FERMT2: variants seen among roughly 807,000 people sequenced by gnomAD.
FERMT2 encodes the protein fermitin family homolog 2.
FERMT2 carries 15 observed loss-of-function variants against 82.7 expected under a neutral mutation model. The ratio of observed to expected loss-of-function variants is 0.18; its 90% confidence interval spans 0.12 to 0.28. The LOEUF (loss-of-function observed/expected upper bound fraction) is 0.28. Ranked by LOEUF, FERMT2 falls within the 10% of genes least tolerant of loss-of-function variation. The probability of loss-of-function intolerance (pLI) is 1.00; values close to 1 mark genes in which losing one functional copy is unlikely to be tolerated. For missense variants in FERMT2, 645 were observed against 809.4 expected (o/e 0.80, Z 2.46); for synonymous variants, 274 against 271.5 (o/e 1.01, Z -0.09).
chr14:52,920,467 T>C (rs370387632), intron 2 of FERMT2, among the ~76,000 whole-genome samples: 1 of 150,818 alleles, frequency 6.6e-6, no homozygotes, highest in Non-Finnish European at 1.5e-5. Flanking sequence ...CCCATCTCTA[T>C]AATTTTTTTT....
At chr14:52,922,990 C>G (rs1889047433) in intron 2 of FERMT2, among the ~76,000 whole-genome samples, 1 of 152,148 alleles carries the variant, frequency 6.6e-6, no homozygotes, top group Non-Finnish European at 1.5e-5. Flanking sequence ...ATGGTATGGC[C>G]TCTTGATTCT....
chr14:52,894,292 T>C (rs927019934), intron 3 of FERMT2, among the ~76,000 whole-genome samples: 1 of 152,120 alleles, frequency 6.6e-6, no homozygotes, highest in South Asian at 2.1e-4. Context: ...ACACAATATA[T>C]ATTGCACACG....
chr14:52,912,258 T>C (rs1280470513), intron 3 of FERMT2, among the ~76,000 whole-genome samples: 1 of 152,150 alleles, frequency 6.6e-6, no homozygotes, highest in Non-Finnish European at 1.5e-5. Context: ...TTTTCGACAA[T>C]TTCATAATCA....
At chr14:52,887,592 C>A (rs1030764321) in intron 4 of FERMT2, among the ~76,000 whole-genome samples, 1 of 151,752 alleles carries the variant, frequency 6.6e-6, no homozygotes, top group Non-Finnish European at 1.5e-5. Flanking sequence ...CTTTGGGAGG[C>A]TGAGGTGAAA....
At chr14:52,872,767 C>T (rs1450655098) in intron 10 of FERMT2, 32 bp downstream of exon 10, 1 of 1,610,018 alleles carries the variant, frequency 6.2e-7, no homozygotes, top group South Asian at 1.1e-5. Flanking sequence ...GGGATGCCAC[C>T]ATCAACAACA....
chr14:52,892,938 T>G (rs577647974), intron 4 of FERMT2, among the ~76,000 whole-genome samples: 2 of 152,206 alleles, frequency 1.3e-5, no homozygotes, highest in African/African-American at 2.4e-5. Flanking sequence ...ACATGATGAT[T>G]TGCACATGAG....
chr14:52,934,310 A>G (rs1889735869), intron 2 of FERMT2, among the ~76,000 whole-genome samples: 2 of 152,356 alleles, frequency 1.3e-5, no homozygotes, highest in South Asian at 2.1e-4. Context: ...AAAAATAGCA[A>G]AACTAGTGTT....
chr14:52,875,502 A>C lies in FERMT2; in HGVS notation c.964-145T>G. The C allele has an allele frequency of 3.4e-6, 2 of 584,112 alleles. 1 individual carries two copies. The highest frequency in any genetic ancestry group is 5.8e-6 in the Non-Finnish European group (2 of 342,696). The allele number at this position is 584,112 out of a possible 1,614,324, so 36.2% of individuals were successfully genotyped here. On this transcript the variant is annotated intron_variant, in intron 7 of 14. Coordinates refer to ENST00000341590, the MANE Select transcript of FERMT2 (RefSeq NM_006832.3). ...TAGGAACTAGAACGATAGGAAATAA[A>C]TACCTGAAATCAATATCCTAAACCT... is the stretch of plus-strand genomic sequence containing the variant.
At position 52,864,772 on chromosome 14, in the gene FERMT2, T is replaced by C; in HGVS notation, c.1355A>G (p.Asn452Ser). ...ATTGTCACAACGAAGCCAGATTTCA[T>C]TCATGCCTTCTGCAACTGGAATCAG... ...KLLIPVAEGM[N>S]EIWLRCDNEK... Residue 452 changes from asparagine (N) to serine (S), a missense_variant, in exon 11 of 15, where the codon AAT becomes AGT. Physicochemically the swap from Asn to Ser is conservative, Grantham distance 46. Transcript: ENST00000341590. 4 of 1,612,828 alleles carry C rather than the reference T, an allele frequency of 2.5e-6. No homozygotes were observed. Among genetic ancestry groups the C allele is most frequent in the Non-Finnish European group, 3.4e-6 (4 of 1,178,892 alleles).
At chr14:52,940,379 C>T (rs753727597) in intron 2 of FERMT2, among the ~76,000 whole-genome samples, 3 of 152,102 alleles carry the variant, frequency 2.0e-5, no homozygotes, top group Non-Finnish European at 4.4e-5. Flanking sequence ...AGAGAAAATA[C>T]CATAAGACAT....
At chr14:52,932,147 T>A (rs1056464200) in intron 2 of FERMT2, among the ~76,000 whole-genome samples, 2 of 152,238 alleles carry the variant, frequency 1.3e-5, no homozygotes, top group South Asian at 4.1e-4. Context: ...TGGCTAAAGT[T>A]CATAAAGTTA....
rs1288434746 is a variant in FERMT2 at position 52,881,272 on chromosome 14, G to C, written c.724C>G (p.Leu242Val). The C allele has an allele frequency of 6.2e-7, 1 of 1,614,026 alleles. No individual in the cohort carries two copies. The highest frequency in any genetic ancestry group is 8.5e-7 in the Non-Finnish European group (1 of 1,179,970). Residue 242 changes from leucine to valine, a missense_variant, in exon 5 of 15, where the codon CTT becomes GTT. Coordinates refer to ENST00000341590, the MANE Select transcript of FERMT2 (RefSeq NM_006832.3). Reference sequence around the variant, plus strand: ...TGGTTGATTTTTGCTTTATCAAGAAGAGCTTGAGGCTTGAACATTTTTGCC... The same window carrying C: ...TGGTTGATTTTTGCTTTATCAAGAACAGCTTGAGGCTTGAACATTTTTGCC... The part of the protein sequence containing the change: ...ILAKMFKPQA[L>V]LDKAKINQGW...
chr14:52,927,592 TAAAAAAA>T (rs71125150), intron 2 of FERMT2, among the ~76,000 whole-genome samples: 4 of 33,724 alleles, frequency 1.2e-4, no homozygotes, highest in South Asian at 2.6e-3. Flanking sequence ...CTCATCCCTA[TAAAAAAA>T]AAAAAAAAAA....
intron 2 of FERMT2, among the ~76,000 whole-genome samples, chr14:52,922,111 G>A (rs147327069): frequency 3.9e-5 from 6 of 152,296 alleles, no homozygotes; most frequent in South Asian, 2.1e-4. Flanking sequence ...GCACACTTGA[G>A]GGGATCAGTG....
At chr14:52,871,905 G>A (rs1348543802) in intron 10 of FERMT2, 1 of 152,334 alleles carries the variant, frequency 6.6e-6, no homozygotes, top group Non-Finnish European at 1.5e-5. Context: ...AAGCCTCCGA[G>A]GAATATCCTG....
At chr14:52,878,539 C>T (rs763827801) in intron 7 of FERMT2, 43 bp downstream of exon 7, 1 of 1,194,368 alleles carries the variant, frequency 8.4e-7, no homozygotes, top group South Asian at 1.3e-5. Context: ...TACCTCCCTA[C>T]CCTTTACCGG....
At chr14:52,888,629 T>C (rs1886746979) in intron 4 of FERMT2, among the ~76,000 whole-genome samples, 1 of 152,178 alleles carries the variant, frequency 6.6e-6, no homozygotes. Flanking sequence ...TGTAAAAATT[T>C]TAAGATTTCC....
intron 3 of FERMT2, among the ~76,000 whole-genome samples, chr14:52,901,764 C>T (rs1887666895): frequency 6.6e-6 from 1 of 152,182 alleles, no homozygotes; most frequent in Admixed American, 6.5e-5. Context: ...ATTCTCACAG[C>T]CTCCAGGAAG....
chr14:52,918,425 C>G (rs1194000797), intron 3 of FERMT2, among the ~76,000 whole-genome samples: 1 of 151,988 alleles, frequency 6.6e-6, no homozygotes, highest in African/African-American at 2.4e-5. Flanking sequence ...TTATAAATTA[C>G]TAGTATAATT....
Sources: allele counts gnomAD v4.1 joint callset (sites outside exome capture counted in the v4.1 genomes callset), GRCh38; gene constraint gnomAD v4.1.1; transcripts MANE v1.5; gene names NCBI Gene and HGNC (gene_info 2026-07-23, HGNC 2026-07-21).